CNBD1: variants seen among roughly 807,000 people sequenced by gnomAD.
CNBD1 encodes the protein cyclic nucleotide-binding domain-containing protein 1.
Under a neutral mutation model 54.4 loss-of-function variants are expected in CNBD1, and 71 were observed. The ratio of observed to expected loss-of-function variants is 1.30; its 90% confidence interval spans 1.08 to 1.59. The LOEUF (loss-of-function observed/expected upper bound fraction) is 1.59, where lower values mean the gene tolerates loss of function less well. CNBD1 is among the 40% of genes most tolerant of loss of function. The pLI is 0.00. For synonymous variants in CNBD1, 182 were observed against 170.7 expected (o/e 1.07, Z -0.51); for missense variants, 659 against 518.0 (o/e 1.27, Z -2.64).
At chr8:87,000,596 G>A (rs1054840018) in intron 4 of CNBD1, among the ~76,000 whole-genome samples, 2 of 152,108 alleles carry the variant, frequency 1.3e-5, no homozygotes, top group Non-Finnish European at 2.9e-5. Flanking sequence ...ACTAAAAAAA[G>A]CACTTAGAAC....
At chr8:86,891,447 G>A (rs1412255390) in intron 2 of CNBD1, among the ~76,000 whole-genome samples, 1 of 152,040 alleles carries the variant, frequency 6.6e-6, no homozygotes, top group Admixed American at 6.6e-5. Context: ...TGATCAGTAT[G>A]TCTGTTTTTA....
chr8:87,413,729 C>A (rs1249306236), intron 2 of CNBD1, among the ~76,000 whole-genome samples: 1 of 141,780 alleles, frequency 7.1e-6, no homozygotes, highest in Admixed American at 7.0e-5. Context: ...ACAGACACTT[C>A]TCAAAAGAAG....
intron 4 of CNBD1, among the ~76,000 whole-genome samples, chr8:87,159,463 T>G (rs892515221): frequency 1.3e-5 from 2 of 152,130 alleles, no homozygotes; most frequent in Admixed American, 1.3e-4. Flanking sequence ...AGTAGAGCTC[T>G]TGCGATAGCT....
chr8:87,414,479 A>C (rs1316734152), intron 2 of CNBD1, among the ~76,000 whole-genome samples: 1 of 152,136 alleles, frequency 6.6e-6, no homozygotes, highest in Non-Finnish European at 1.5e-5. Flanking sequence ...ATATGTAACA[A>C]ACCTGCACAT....
At chr8:87,381,153 C>T (rs1811064672) in intron 10 of CNBD1, among the ~76,000 whole-genome samples, 1 of 151,880 alleles carries the variant, frequency 6.6e-6, no homozygotes. Flanking sequence ...AAGGATTAAT[C>T]TCCAAAATAT....
intron 4 of CNBD1, among the ~76,000 whole-genome samples, chr8:87,050,278 A>G (rs763723355): frequency 2.0e-5 from 3 of 152,190 alleles, no homozygotes; most frequent in Non-Finnish European, 1.5e-5. Context: ...TCTTTGCCCA[A>G]TGTTCTAGTT....
intron 8 of CNBD1, among the ~76,000 whole-genome samples, chr8:87,345,717 A>G (rs1259597682): frequency 2.0e-5 from 3 of 152,098 alleles, no homozygotes; most frequent in African/African-American, 7.3e-5. Context: ...TTATGAAATA[A>G]ACATAAAAAA....
chr8:87,351,565 A>G, intron 8 of CNBD1, 120 bp from the exon 9 acceptor site: 1 of 935,252 alleles, frequency 1.1e-6, no homozygotes, highest in Non-Finnish European at 1.5e-6. Flanking sequence ...ACTGGAATCT[A>G]TTAAGAAACT....
intron 5 of CNBD1, among the ~76,000 whole-genome samples, chr8:87,229,389 T>C (rs1814611686): frequency 6.6e-6 from 1 of 152,208 alleles, no homozygotes; most frequent in Non-Finnish European, 1.5e-5. Context: ...GTTAAAAATT[T>C]CAAATGCTTA....
At chr8:87,344,705 TAAC>T (rs1378800745) in intron 8 of CNBD1, among the ~76,000 whole-genome samples, 10 of 150,032 alleles carry the variant, frequency 6.7e-5, no homozygotes, top group African/African-American at 1.3e-4. Flanking sequence ...TTATTTCACA[TAAC>T]AAAAAAATTA....
At chr8:87,225,034 G>C (rs1286553437) in intron 5 of CNBD1, among the ~76,000 whole-genome samples, 10 of 151,776 alleles carry the variant, frequency 6.6e-5, no homozygotes, top group African/African-American at 2.2e-4. Flanking sequence ...TCGTGATTTG[G>C]CTCTCTGTTT....
chr8:87,385,380 G>T (rs990211029), downstream of CNBD1, among the ~76,000 whole-genome samples: 2 of 152,148 alleles, frequency 1.3e-5, no homozygotes, highest in African/African-American at 4.8e-5. Context: ...AAAGAAAGGG[G>T]TGACAGATGG....
intron 10 of CNBD1, among the ~76,000 whole-genome samples, chr8:87,354,554 C>A (rs1286426345): frequency 6.6e-6 from 1 of 152,002 alleles, no homozygotes; most frequent in Non-Finnish European, 1.5e-5. Flanking sequence ...TATCCCTCCC[C>A]CTTCCCCCCA....
intron 2 of CNBD1, among the ~76,000 whole-genome samples, chr8:86,888,750 TC>T (rs1808717415): frequency 6.7e-6 from 1 of 150,270 alleles, no homozygotes; most frequent in Non-Finnish European, 1.5e-5. Flanking sequence ...TATATGTTGG[TC>T]CCTTTTCTAA....
chr8:87,084,412 ACCTTTGTTT>A (rs1383297105), intron 4 of CNBD1, among the ~76,000 whole-genome samples: 1 of 152,098 alleles, frequency 6.6e-6, no homozygotes, highest in Non-Finnish European at 1.5e-5. Context: ...ATTATGTTTA[ACCTTTGTTT>A]CTTCTTTGCT....
intron 2 of CNBD1, among the ~76,000 whole-genome samples, chr8:87,427,342 T>G: frequency 6.6e-6 from 1 of 152,156 alleles, no homozygotes; most frequent in Non-Finnish European, 1.5e-5. Context: ...CAGTATGTAT[T>G]AGTTTTCAAA....
chr8:87,271,111 T>G (rs1808354223), intron 6 of CNBD1, among the ~76,000 whole-genome samples: 1 of 151,870 alleles, frequency 6.6e-6, no homozygotes, highest in Non-Finnish European at 1.5e-5. Flanking sequence ...GTGATCTCAG[T>G]TGTTATGTCT....
chr8:87,113,916 C>CA (rs11415653), intron 4 of CNBD1, among the ~76,000 whole-genome samples: 9,445 of 129,960 alleles, frequency 0.073, 975 homozygotes, highest in African/African-American at 0.24. Flanking sequence ...GACTCTGTCT[C>CA]AAAAAAAAAA....
chr8:86,987,808 G>T (rs1018065820), intron 4 of CNBD1, among the ~76,000 whole-genome samples: 1 of 152,112 alleles, frequency 6.6e-6, no homozygotes, highest in Non-Finnish European at 1.5e-5. Context: ...ATTGATTTGT[G>T]TATGTTAAAC....
Sources: allele counts gnomAD v4.1 joint callset (sites outside exome capture counted in the v4.1 genomes callset), GRCh38; gene constraint gnomAD v4.1.1; transcripts MANE v1.5; gene names NCBI Gene and HGNC (gene_info 2026-07-23, HGNC 2026-07-21).